RFTN1: variants seen among roughly 807,000 people sequenced by gnomAD.
The protein encoded by RFTN1 is raftlin, lipid raft linker 1.
In RFTN1, 26 loss-of-function variants were observed where a neutral mutation model predicts 46.5. That is an observed-to-expected ratio of 0.56 (90% CI 0.41 to 0.78). The LOEUF (loss-of-function observed/expected upper bound fraction) is 0.78. Ranked by LOEUF, RFTN1 falls within the 30% of genes least tolerant of loss-of-function variation. The pLI, the probability that RFTN1 is intolerant of heterozygous loss-of-function variation, is 0.00. For missense variants in RFTN1, 693 were observed against 718.7 expected, an observed-to-expected ratio of 0.96 and a Z score of 0.41; for synonymous variants, 261 against 284.2, an observed-to-expected ratio of 0.92 and a Z score of 0.82.
At chr3:16,482,703 C>CA in intron 2 of RFTN1, 2 of 1,366,360 alleles carry the variant, frequency 1.5e-6, no homozygotes, top group South Asian at 2.5e-5. Flanking sequence ...GCCACATTAG[C>CA]TGTTATTACT....
chr3:16,467,961 G>A (rs73024225), intron 2 of RFTN1, among the ~76,000 whole-genome samples: 2,738 of 152,136 alleles, frequency 0.018, 35 homozygotes, highest in Non-Finnish European at 0.028. Flanking sequence ...AAGCAGGCTC[G>A]CTCTTACTAC....
chr3:16,370,201 A>T lies in RFTN1; in HGVS notation c.905T>A (p.Leu302His). The change falls in exon 6 of 10, where the codon CTC (leucine) becomes CAC (histidine). Residue 302 changes from leucine to histidine, a missense_variant. Physicochemically the swap from Leu to His is moderately conservative, Grantham distance 99 (BLOSUM62 -3). Transcript: ENST00000334133. This position sits in a 1 kb window ranked among gnomAD's most constrained non-coding sequence, Gnocchi z 5.5. ...TGTCTGGCCATTCTTGGAGACATGGAGAGGAATGGTGACAGGGTAGTATTG... is the reference window on the plus strand; with the variant it reads ...TGTCTGGCCATTCTTGGAGACATGGTGAGGAATGGTGACAGGGTAGTATTG... Reference protein sequence around the residue: ...CRQYYPVTIPLHVSKNGQTVS... With the variant: ...CRQYYPVTIPHHVSKNGQTVS... 6.2e-7 allele frequency: 1 copy of T among 1,614,164 alleles called. No individual in the cohort carries two copies. Among genetic ancestry groups the T allele is most frequent in the Non-Finnish European group, 8.5e-7 (1 of 1,180,012 alleles).
chr3:16,324,646 TTG>T (rs71632869), intron 8 of RFTN1, among the ~76,000 whole-genome samples: 30,913 of 100,268 alleles, frequency 0.31, 4,295 homozygotes, highest in South Asian at 0.44. Context: ...TAGTATTCCA[TTG>T]TGTGTGTGTG....
At chr3:16,386,761 G>A (rs745400415) in intron 4 of RFTN1, among the ~76,000 whole-genome samples, 45 of 152,140 alleles carry the variant, frequency 3.0e-4, no homozygotes, top group African/African-American at 9.9e-4. Flanking sequence ...CGAGGTGGGG[G>A]TTGGTAACAG....
At chr3:16,388,325 T>C (rs897804803) in intron 4 of RFTN1, among the ~76,000 whole-genome samples, 1 of 152,212 alleles carries the variant, frequency 6.6e-6, no homozygotes, top group African/African-American at 2.4e-5. Context: ...CTGGAACTGT[T>C]CCTGGTACAC....
rs995075405 is a variant in RFTN1 at position 16,352,958 on chromosome 3, A to G, written c.1146+4974T>C. Among the ~76,000 whole-genome samples, 2 of 152,168 alleles carry G rather than the reference A, an allele frequency of 1.3e-5. No homozygotes were observed. The highest frequency in any genetic ancestry group is 2.9e-5 in the Non-Finnish European group (2 of 68,028). On this transcript the variant is annotated intron_variant, in intron 7 of 9. Transcript: ENST00000334133. The surrounding 1 kb of genome is among the most constrained non-coding windows in gnomAD (Gnocchi z 4.6). Reference sequence around the variant, plus strand: ...CCGCACACTACATTTTCGTGTGTCCATGCACGTGAAGAGAGAGGGAAGCCA... The same window carrying G: ...CCGCACACTACATTTTCGTGTGTCCGTGCACGTGAAGAGAGAGGGAAGCCA...
intron 2 of RFTN1, among the ~76,000 whole-genome samples, chr3:16,435,045 A>G (rs926910650): frequency 2.6e-5 from 4 of 152,234 alleles, no homozygotes; most frequent in African/African-American, 9.6e-5. Flanking sequence ...TTCAAAAGTC[A>G]AAAGGTACAA....
rs892313504 is a variant in RFTN1 at position 16,480,123 on chromosome 3, A to G, written c.145+13602T>C. On this transcript the variant is annotated intron_variant, in intron 2 of 9. Coordinates refer to ENST00000334133, the MANE Select transcript of RFTN1 (RefSeq NM_015150.2). The surrounding 1 kb of genome is among the most constrained non-coding windows in gnomAD (Gnocchi z 4.3). ...ATAATCAATAAATATTGAATGGATC[A>G]ATTTTGTTAAGTAACTTTGCCAGAC... Among the ~76,000 whole-genome samples the G allele has an allele frequency of 1.6e-4, 24 of 152,112 alleles. No homozygotes were observed. The highest frequency in any genetic ancestry group is 5.3e-4 in the African/African-American group (22 of 41,458).
rs1451298451 is a variant in RFTN1, at chr3:16,320,749, AGAG to A, written c.1332+2624_1332+2626del. On this transcript the variant is annotated intron_variant, in intron 9 of 9. Coordinates refer to ENST00000334133, the MANE Select transcript of RFTN1 (RefSeq NM_015150.2). The surrounding 1 kb of genome is among the most constrained non-coding windows in gnomAD (Gnocchi z 4.5). ...GGGACACGGAAGAACTGGAGGCCAC[AGAG>A]GAGCTGGAGGCCACAGAGAATGGGA... Among the ~76,000 whole-genome samples the A allele has an allele frequency of 6.6e-6, 1 of 152,064 alleles. No individual in the cohort carries two copies. The highest frequency in any genetic ancestry group is 1.5e-5 in the Non-Finnish European group (1 of 67,946).
intron 1 of RFTN1, among the ~76,000 whole-genome samples, chr3:16,503,592 A>G (rs976919012): frequency 2.0e-5 from 3 of 152,212 alleles, no homozygotes; most frequent in African/African-American, 7.2e-5. Context: ...AATAGCCAGG[A>G]CTCAGCAGGG....
In RFTN1 at chr3:16,322,780, A is replaced by G. The variant is rs2069224244; in HGVS notation, c.1332+596T>C. ...TGTGCGACTGTTTCTAGGGTAGTTC[A>G]GAGTCCGGAGAGGGGGAAAAGGGCC... On this transcript the variant is annotated intron_variant, in intron 9 of 9. Transcript: ENST00000334133. The surrounding 1 kb of genome is among the most constrained non-coding windows in gnomAD (Gnocchi z 6.2). Among the ~76,000 whole-genome samples the G allele has an allele frequency of 6.6e-6, 1 of 152,144 alleles. No homozygotes were observed. The highest frequency in any genetic ancestry group is 1.5e-5 in the Non-Finnish European group (1 of 68,014).
At position 16,407,566 on chromosome 3, in the gene RFTN1, T is replaced by C. The variant is rs2074888683; in HGVS notation, c.441+1809A>G. ...TGCCTTTCTTTTACTCACTTACCCC[T>C]CAAATATTCCAAGCATCTGAGTCTT... On this transcript the variant is annotated intron_variant, in intron 4 of 9. Coordinates refer to ENST00000334133, the MANE Select transcript of RFTN1 (RefSeq NM_015150.2). The surrounding 1 kb of genome is among the most constrained non-coding windows in gnomAD (Gnocchi z 4.0). Among the ~76,000 whole-genome samples the C allele has an allele frequency of 6.6e-6, 1 of 152,100 alleles. No homozygotes were observed. The highest frequency in any genetic ancestry group is 1.5e-5 in the Non-Finnish European group (1 of 68,016).
In RFTN1 at chr3:16,342,958, G is replaced by A. The variant is rs904733268; in HGVS notation, c.1146+14974C>T. Among the ~76,000 whole-genome samples, 1 of 152,064 alleles carries A rather than the reference G, an allele frequency of 6.6e-6. No homozygotes were observed. Among genetic ancestry groups the A allele is most frequent in the Non-Finnish European group, 1.5e-5 (1 of 68,012 alleles). On this transcript the variant is annotated intron_variant, in intron 7 of 9. Coordinates refer to ENST00000334133, the MANE Select transcript of RFTN1 (RefSeq NM_015150.2). This position sits in a 1 kb window ranked among gnomAD's most constrained non-coding sequence, Gnocchi z 4.0. ...AGGCTCAAGTGAGCCTCCCACTACA[G>A]CCCCTCTGAGTCGCTGGGAATACAG... is the stretch of plus-strand genomic sequence containing the variant.
At chr3:16,323,945 A>C (rs552223021) in intron 8 of RFTN1, among the ~76,000 whole-genome samples, 17 of 152,286 alleles carry the variant, frequency 1.1e-4, no homozygotes, top group Non-Finnish European at 4.4e-5. Flanking sequence ...ACTGCACAGC[A>C]CCAGGCGGGC....
rs147381948 is a variant in RFTN1, at chr3:16,318,242, T to G, written c.1333-1010A>C. 3.3e-3 allele frequency among the ~76,000 whole-genome samples: 479 copies of G among 144,106 alleles called. 1 individual carries two copies. Among genetic ancestry groups the G allele is most frequent in the African/African-American group, 0.011 (431 of 38,646 alleles). The allele number at this position is 144,106 out of a possible 152,430, so 94.5% of individuals were successfully genotyped here. A position where few individuals can be genotyped will look rare whatever the true frequency, so the allele number is the denominator to read the frequency against. On this transcript the variant is annotated intron_variant, in intron 9 of 9. Transcript: ENST00000334133. ...TCATCTCGGTGGCCCAGAGTGCACG[T>G]GGGGTTTTAGTTTTCAGTTCCCACC...
intron 7 of RFTN1, 100 bp from the exon 8 acceptor site, chr3:16,326,976 G>C (rs1024043284): frequency 3.5e-6 from 3 of 860,562 alleles, no homozygotes; most frequent in Non-Finnish European, 5.4e-6. Flanking sequence ...AAACAGAAAA[G>C]AAGTGGCGGT....
Position 16,384,012 on chromosome 3 carries a change from C to T in RFTN1, c.442-5910G>A, listed in dbSNP as rs2074081817. Among the ~76,000 whole-genome samples the T allele has an allele frequency of 3.3e-5, 5 of 152,226 alleles. No individual in the cohort carries two copies. Among genetic ancestry groups the T allele is most frequent in the Admixed American group, 3.3e-4 (5 of 15,292 alleles). ...TTTTTAAATGTGTGATTAACATTTA[C>T]TATCAGTTGACTTTCGGTAAAGTGG... On this transcript the variant is annotated intron_variant, in intron 4 of 9. Transcript: ENST00000334133. The surrounding 1 kb of genome is among the most constrained non-coding windows in gnomAD (Gnocchi z 4.7).
rs1319211823 is a variant in RFTN1 at position 16,385,858 on chromosome 3, TC to T, written c.442-7757del. On this transcript the variant is annotated intron_variant, in intron 4 of 9. Transcript: ENST00000334133. The surrounding 1 kb of genome is among the most constrained non-coding windows in gnomAD (Gnocchi z 5.0). ...TGGTTGTCTGCATTCAGAACAGGAT[TC>T]TGGAGCAAAGACGACCTTGGCCCAT... is the stretch of plus-strand genomic sequence containing the variant. 6.6e-6 allele frequency among the ~76,000 whole-genome samples: 1 copy of T among 152,064 alleles called. No individual in the cohort carries two copies. The highest frequency in any genetic ancestry group is 1.9e-4 in the East Asian group (1 of 5,194).
At chr3:16,510,776 T>G (rs528851140) in intron 1 of RFTN1, among the ~76,000 whole-genome samples, 1 of 152,346 alleles carries the variant, frequency 6.6e-6, no homozygotes, top group East Asian at 1.9e-4. Flanking sequence ...ACTAGGTGTT[T>G]ACCCATGAGA....
Sources: allele counts gnomAD v4.1 joint callset (sites outside exome capture counted in the v4.1 genomes callset), GRCh38; gene constraint gnomAD v4.1.1; non-coding constraint Gnocchi (gnomAD v3.1); transcripts MANE v1.5; gene names NCBI Gene and HGNC (gene_info 2026-07-23, HGNC 2026-07-21).